Variants in MIGA1 observed in about 807,000 individuals in gnomAD.
MIGA1 encodes the protein family with sequence similarity 73, member A.
In MIGA1, 58 loss-of-function variants were observed where a neutral mutation model predicts 82.0. The ratio of observed to expected loss-of-function variants is 0.71; its 90% CI spans 0.57 to 0.88. The LOEUF is 0.88. Ranked by LOEUF, MIGA1 falls within the 40% of genes least tolerant of loss-of-function variation. MIGA1 has a pLI of 0.00. For missense variants in MIGA1, 751 were observed against 749.1 expected (o/e 1.00, Z -0.03); for synonymous variants, 249 against 253.6 (o/e 0.98, Z 0.17).
intron 7 of MIGA1, among the ~76,000 whole-genome samples, chr1:77,837,092 G>T (rs980779424): frequency 5.3e-5 from 8 of 152,094 alleles, no homozygotes; most frequent in Non-Finnish European, 1.2e-4. Flanking sequence ...TTGCACTGTA[G>T]TGAAAATATG....
intron 1 of MIGA1, chr1:77,782,901 T>C (rs12730288): frequency 2.0e-6 from 2 of 976,754 alleles, no homozygotes; most frequent in Non-Finnish European, 2.4e-6. Flanking sequence ...TTTAAATTAC[T>C]CCCTAAAAAG....
At chr1:77,857,436 C>T (rs1227210122) in intron 8 of MIGA1, among the ~76,000 whole-genome samples, 20 of 151,968 alleles carry the variant, frequency 1.3e-4, no homozygotes, top group Admixed American at 1.3e-3. Flanking sequence ...AACTCCTGAC[C>T]TCAGGTGATC....
Position 77,878,579 on chromosome 1 carries a change from T to C in MIGA1, c.*3515T>C, listed in dbSNP as rs1247165414. 3.6e-6 allele frequency: 1 copy of C among 275,164 alleles called. No individual in the cohort carries two copies. The allele number at this position is 275,164 out of a possible 1,614,324, so 17.0% of individuals were successfully genotyped here. A position where few individuals can be genotyped will look rare whatever the true frequency, so the allele number is the denominator to read the frequency against. On this transcript the variant is annotated 3_prime_UTR_variant, in exon 16 of 16. Transcript: ENST00000370791. Reference sequence around the variant, plus strand: ...CCATGAGCTCTACCATCCACTTCCATATGTAAATTATAAGAGGGACTTCAA... The same window carrying C: ...CCATGAGCTCTACCATCCACTTCCACATGTAAATTATAAGAGGGACTTCAA...
At chr1:77,848,774 A>G (rs1684936903) in intron 8 of MIGA1, 2 of 1,309,932 alleles carry the variant, frequency 1.5e-6, no homozygotes, top group Admixed American at 4.5e-5. Context: ...GTTAATGCAA[A>G]GAGCTATATT....
In MIGA1 at chr1:77,779,714, C is replaced by T. The variant is rs755263972; in HGVS notation, c.59C>T (p.Ala20Val). 1.9e-6 allele frequency: 3 copies of T among 1,579,606 alleles called. No individual in the cohort carries two copies. The South Asian group carries it at 3.5e-5, about 18-fold the overall frequency. The change falls in exon 1 of 16, where the codon GCT (alanine) becomes GTT (valine). Residue 20 changes from alanine to valine, a missense_variant. Physicochemically the swap from Ala to Val is moderately conservative, Grantham distance 64. This residue lies in a region of MIGA1 where 482 missense variants were observed against 439.4 expected (regional missense o/e 1.10). Transcript: ENST00000370791. Reference sequence around the variant, plus strand: ...TGGGAAGCTGGCGTGGGCAGGCCAGCTGTACCTGGCCTGGAGCTCCAGGTA... The same window carrying T: ...TGGGAAGCTGGCGTGGGCAGGCCAGTTGTACCTGGCCTGGAGCTCCAGGTA...
Position 77,801,420 on chromosome 1 carries a change from A to G in MIGA1, c.285A>G (p.Arg95=). The stretch of plus-strand genomic sequence containing the variant: ...TTTTTCTGGCTCATCACTTTAAAAG[A>G]AAACGTGGAAAGAAGAAAGGAAAAA... The change falls in exon 3 of 16, where the codon AGA becomes AGG. Residue 95 remains arginine, a synonymous_variant. Transcript: ENST00000370791. 1.2e-6 allele frequency: 2 copies of G among 1,610,136 alleles called. No homozygotes were observed. The highest frequency in any genetic ancestry group is 1.7e-6 in the Non-Finnish European group (2 of 1,179,340).
intron 7 of MIGA1, among the ~76,000 whole-genome samples, chr1:77,829,830 C>T (rs1413605833): frequency 6.6e-6 from 1 of 151,904 alleles, no homozygotes; most frequent in Non-Finnish European, 1.5e-5. Flanking sequence ...TGGGTAATTG[C>T]CTCAGCACCT....
chr1:77,821,637 G>T (rs1034252012), intron 7 of MIGA1, among the ~76,000 whole-genome samples: 3 of 151,982 alleles, frequency 2.0e-5, no homozygotes, highest in African/African-American at 4.8e-5. Context: ...CAGGTGATCC[G>T]CCCGCCTCCG....
Position 77,839,536 on chromosome 1 carries a change from A to C in MIGA1, c.896-3771A>C, listed in dbSNP as rs560422584. ...TAGGTGTGCACCACCACGCCCTGCT[A>C]ACTTTTTAAATTTTTTGTAGAGCTG... On this transcript the variant is annotated intron_variant, in intron 7 of 15. Transcript: ENST00000370791. Among the ~76,000 whole-genome samples the C allele has an allele frequency of 1.8e-4, 27 of 151,454 alleles. No individual in the cohort carries two copies. In the South Asian group the frequency reaches 5.5e-3, roughly 31 times the overall value.
At chr1:77,856,431 A>G (rs866719228) in intron 8 of MIGA1, among the ~76,000 whole-genome samples, 1 of 152,128 alleles carries the variant, frequency 6.6e-6, no homozygotes, top group Non-Finnish European at 1.5e-5. Flanking sequence ...ATCTTGTGGA[A>G]TAGTGTCAAA....
chr1:77,871,537 G>T (rs1455545038), intron 14 of MIGA1, among the ~76,000 whole-genome samples: 1 of 151,974 alleles, frequency 6.6e-6, no homozygotes, highest in Non-Finnish European at 1.5e-5. Flanking sequence ...AGGTTTAGAA[G>T]ATTGTCTTGG....
intron 7 of MIGA1, among the ~76,000 whole-genome samples, chr1:77,840,150 G>A (rs1684576633): frequency 6.6e-6 from 1 of 152,170 alleles, no homozygotes; most frequent in African/African-American, 2.4e-5. Context: ...TCGTATCTAA[G>A]AAACAGAAGT....
intron 2 of MIGA1, among the ~76,000 whole-genome samples, chr1:77,797,028 A>G (rs1156758781): frequency 6.6e-6 from 1 of 152,212 alleles, no homozygotes; most frequent in Non-Finnish European, 1.5e-5. Flanking sequence ...CAAATGTCAC[A>G]TAAATGGAAT....
chr1:77,836,858 G>GATA (rs1412280966), intron 7 of MIGA1, among the ~76,000 whole-genome samples: 3 of 152,034 alleles, frequency 2.0e-5, no homozygotes, highest in African/African-American at 7.2e-5. Context: ...GATAATCAGA[G>GATA]ATAATGGAAA....
chr1:77,870,962 TGCAGTCGCAG>T (rs1381059813), intron 14 of MIGA1, among the ~76,000 whole-genome samples: 17 of 149,864 alleles, frequency 1.1e-4, no homozygotes, highest in Admixed American at 5.3e-4. Flanking sequence ...GGTGCGCGCC[TGCAGTCGCAG>T]GCACTCGGCA....
chr1:77,872,216 G>T (rs1460032269), intron 14 of MIGA1, among the ~76,000 whole-genome samples: 1 of 151,944 alleles, frequency 6.6e-6, no homozygotes, highest in East Asian at 1.9e-4. Flanking sequence ...TGATCCACCT[G>T]CCTTGGCCTC....
chr1:77,852,944 G>A (rs1685110262), intron 8 of MIGA1, among the ~76,000 whole-genome samples: 1 of 152,122 alleles, frequency 6.6e-6, no homozygotes, highest in African/African-American at 2.4e-5. Context: ...GCCTGCCTCG[G>A]CCTCCCAAAG....
At chr1:77,796,106 T>C (rs189031858) in intron 2 of MIGA1, among the ~76,000 whole-genome samples, 1 of 151,958 alleles carries the variant, frequency 6.6e-6, no homozygotes, top group Admixed American at 6.6e-5. Context: ...TACTCCTCTT[T>C]TTAAAATTCA....
intron 7 of MIGA1, among the ~76,000 whole-genome samples, chr1:77,828,529 A>G (rs765739013): frequency 6.6e-6 from 1 of 152,270 alleles, no homozygotes; most frequent in African/African-American, 2.4e-5. Flanking sequence ...TATTAAATAC[A>G]GAACTTTATT....
Sources: gnomAD v4.1 joint callset for allele counts (sites outside exome capture counted in the v4.1 genomes callset) on GRCh38, gnomAD v4.1.1 for gene constraint, gnomAD v4.1.1 regional missense constraint, MANE v1.5 for transcripts, NCBI Gene and HGNC (gene_info 2026-07-23, HGNC 2026-07-21) for gene names.